The following DLGAP2 variants were observed in gnomAD, a reference collection of about 807,000 sequenced individuals.
DLGAP2 encodes the protein disks large-associated protein 2.
In DLGAP2, 26 loss-of-function variants were observed where a neutral mutation model predicts 100.3. That is an observed-to-expected ratio of 0.26 (90% CI 0.19 to 0.36). The LOEUF (loss-of-function observed/expected upper bound fraction) is 0.36, where lower values mean the gene tolerates loss of function less well. Ranked by LOEUF, DLGAP2 falls within the 10% of genes least tolerant of loss-of-function variation. The pLI is 1.00. For missense variants in DLGAP2, 1,858 were observed against 1,453.2 expected (o/e 1.28, Z -4.53); for synonymous variants, 886 against 630.1 (o/e 1.41, Z -6.08).
intron 2 of DLGAP2, among the ~76,000 whole-genome samples, chr8:1,053,619 T>A (rs1042320311): frequency 6.6e-6 from 1 of 152,086 alleles, no homozygotes; most frequent in Non-Finnish European, 1.5e-5. Context: ...TGCGAGGAAT[T>A]CCGTGGATGT....
chr8:1,537,948 C>T (rs1801212918), intron 4 of DLGAP2, among the ~76,000 whole-genome samples: 1 of 152,064 alleles, frequency 6.6e-6, no homozygotes, highest in Non-Finnish European at 1.5e-5. Flanking sequence ...GATGGAGTGG[C>T]CATAAGTAAG....
intron 5 of DLGAP2, among the ~76,000 whole-genome samples, chr8:1,554,534 CT>C (rs1326137613): frequency 6.6e-6 from 1 of 152,112 alleles, no homozygotes; most frequent in Non-Finnish European, 1.5e-5. Context: ...TGGCCTCCAC[CT>C]TGACCTTTAT....
intron 2 of DLGAP2, among the ~76,000 whole-genome samples, chr8:970,330 T>G (rs577511900): frequency 9.2e-5 from 14 of 152,318 alleles, no homozygotes; most frequent in African/African-American, 3.1e-4. Flanking sequence ...GTTATATATT[T>G]TATTTTTAAA....
chr8:1,182,498 A>G (rs1563236507), intron 2 of DLGAP2, among the ~76,000 whole-genome samples: 1 of 152,226 alleles, frequency 6.6e-6, no homozygotes, highest in Admixed American at 6.5e-5. Flanking sequence ...TTGTGTCACT[A>G]GGAAATGAGC....
intron 3 of DLGAP2, among the ~76,000 whole-genome samples, chr8:1,496,543 A>G (rs569850044): frequency 6.6e-6 from 1 of 152,198 alleles, no homozygotes; most frequent in East Asian, 1.9e-4. Flanking sequence ...AGCTTGTGAC[A>G]TTGAGACGAC....
chr8:1,091,619 A>G (rs1381107539), intron 2 of DLGAP2, among the ~76,000 whole-genome samples: 3 of 152,108 alleles, frequency 2.0e-5, no homozygotes, highest in African/African-American at 7.2e-5. Context: ...TCCGGCTGTC[A>G]TTATCTCTGT....
intron 1 of DLGAP2, among the ~76,000 whole-genome samples, chr8:750,831 T>C (rs777293711): frequency 6.6e-6 from 1 of 152,236 alleles, no homozygotes; most frequent in Non-Finnish European, 1.5e-5. Context: ...TGGGATAGCA[T>C]TTTTTAAAAA....
intron 3 of DLGAP2, among the ~76,000 whole-genome samples, chr8:1,433,519 G>C (rs148238379): frequency 1.7e-4 from 26 of 152,330 alleles, no homozygotes; most frequent in African/African-American, 6.0e-4. Flanking sequence ...GTGCTGTCTG[G>C]TGAGCCCACC....
At chr8:776,903 C>G (rs1821534940) in intron 1 of DLGAP2, among the ~76,000 whole-genome samples, 2 of 152,112 alleles carry the variant, frequency 1.3e-5, no homozygotes, top group East Asian at 1.9e-4. Context: ...CCTGGGTATC[C>G]TTGTTGACTT....
At chr8:1,195,498 A>G (rs1001521810) in intron 2 of DLGAP2, among the ~76,000 whole-genome samples, 9 of 152,256 alleles carry the variant, frequency 5.9e-5, no homozygotes, top group South Asian at 4.1e-4. Flanking sequence ...TGAGAAAACA[A>G]TTGTTTCCCC....
At chr8:978,766 G>A (rs1232010006) in intron 2 of DLGAP2, among the ~76,000 whole-genome samples, 1 of 152,128 alleles carries the variant, frequency 6.6e-6, no homozygotes, top group African/African-American at 2.4e-5. Context: ...TCAATGGTGG[G>A]ATTTTCCCCA....
intron 2 of DLGAP2, among the ~76,000 whole-genome samples, chr8:1,060,070 A>G (rs567714224): frequency 6.6e-6 from 1 of 152,272 alleles, no homozygotes; most frequent in South Asian, 2.1e-4. Flanking sequence ...TGGGGCTTCA[A>G]GTTCCTCCAC....
At chr8:1,004,026 C>T (rs1801037022) in intron 2 of DLGAP2, among the ~76,000 whole-genome samples, 1 of 152,072 alleles carries the variant, frequency 6.6e-6, no homozygotes, top group Admixed American at 6.5e-5. Context: ...CTTGATGTTG[C>T]CTGGCACAAA....
chr8:1,462,422 C>CG (rs550570631), intron 3 of DLGAP2, among the ~76,000 whole-genome samples: 2 of 97,142 alleles, frequency 2.1e-5, no homozygotes, highest in African/African-American at 7.2e-5. Flanking sequence ...GCTGCTGTCA[C>CG]AGGACTGGGT....
At chr8:766,633 G>A (rs927507382) in intron 1 of DLGAP2, among the ~76,000 whole-genome samples, 7 of 152,144 alleles carry the variant, frequency 4.6e-5, no homozygotes, top group African/African-American at 1.7e-4. Context: ...ATGATACTTG[G>A]AGTGATCATG....
At chr8:801,662 G>T (rs1404103240) in intron 1 of DLGAP2, among the ~76,000 whole-genome samples, 1 of 152,130 alleles carries the variant, frequency 6.6e-6, no homozygotes, top group Admixed American at 6.5e-5. Context: ...CTTCTCCTGT[G>T]CAGCGGGCTT....
chr8:1,179,073 C>G (rs17746852), intron 2 of DLGAP2, among the ~76,000 whole-genome samples: 16,453 of 152,336 alleles, frequency 0.11, 1,195 homozygotes, highest in Middle Eastern at 0.21. Flanking sequence ...CACACTTAAA[C>G]AGGCTTTAAA....
chr8:1,150,616 G>A lies in DLGAP2; in HGVS notation c.74-108235G>A, dbSNP rs79706875. ...GCTTCTAGAAAATCCAAGGAGAGAA[G>A]GGTGGTGTCCATGCCCTGTTGACAG... On this transcript the variant is annotated intron_variant, in intron 2 of 14. Transcript: ENST00000637795. Among the ~76,000 whole-genome samples, 1,348 of 152,326 alleles carry A rather than the reference G, an allele frequency of 8.8e-3. 11 individuals carry two copies. The highest frequency in any genetic ancestry group is 0.012 in the Non-Finnish European group (848 of 68,030).
At chr8:1,575,463 T>C (rs563004709) in intron 6 of DLGAP2, among the ~76,000 whole-genome samples, 13 of 148,000 alleles carry the variant, frequency 8.8e-5, no homozygotes, top group African/African-American at 3.2e-4. Context: ...TCTTTATTAT[T>C]ATTATTATTA....
Sources: gnomAD v4.1 joint callset for allele counts (sites outside exome capture counted in the v4.1 genomes callset) on GRCh38, gnomAD v4.1.1 for gene constraint, MANE v1.5 for transcripts, NCBI Gene and HGNC (gene_info 2026-07-23, HGNC 2026-07-21) for gene names.